SIX6: variants seen among roughly 807,000 people sequenced by gnomAD.
SIX6 encodes homeobox protein SIX6.
SIX6 carries 14 observed loss-of-function variants against 23.6 expected under a neutral mutation model. The ratio of observed to expected loss-of-function variants is 0.59; its 90% CI spans 0.39 to 0.93. SIX6 has a LOEUF of 0.93. Among genes scored for constraint, SIX6 ranks in the 40% least tolerant of loss-of-function variants. SIX6 has a pLI of 0.00. For synonymous variants in SIX6, 128 were observed against 144.9 expected (o/e 0.88, Z 0.84); for missense variants, 307 against 325.6 (o/e 0.94, Z 0.44).
rs1310548000 is a variant in SIX6 at position 60,509,777 on chromosome 14, GA to G, written c.380del (p.Asp127AlafsTer41). Reference protein sequence around the residue: ...KKFPLPRTIWDGEQKTHCFKE... With the variant: ...KKFPLPRTIWXGEQKTHCFKE... ...GTTCCCGCTGCCGCGCACCATTTGGGACGGCGAACAGAAGACACACTGCTTC... is the reference window on the plus strand; with the variant it reads ...GTTCCCGCTGCCGCGCACCATTTGGGCGGCGAACAGAAGACACACTGCTTC... On this transcript the variant is annotated frameshift_variant, in exon 1 of 2. Transcript: ENST00000327720. LOFTEE classifies it high-confidence loss of function. 1 of 1,613,190 alleles carries G rather than the reference GA, an allele frequency of 6.2e-7. No homozygotes were observed. The highest frequency in any genetic ancestry group is 8.5e-7 in the Non-Finnish European group (1 of 1,179,250).
At position 60,511,489 on chromosome 14, in the gene SIX6, T is replaced by C. The variant is rs565685964; in HGVS notation, c.*237T>C. 1.7e-5 allele frequency: 10 copies of C among 602,174 alleles called. No homozygotes were observed. The highest frequency in any genetic ancestry group is 2.9e-5 in the Non-Finnish European group (10 of 339,382). The allele number at this position is 602,174 out of a possible 1,614,324, so 37.3% of individuals were successfully genotyped here. On this transcript the variant is annotated 3_prime_UTR_variant, in exon 2 of 2. Coordinates refer to ENST00000327720, the MANE Select transcript of SIX6 (RefSeq NM_007374.3). ...TGAGGCCTGACCCAGCACCACGTTC[T>C]TCTTGCTTTGCTTTTTCCTAAGGAT... is the stretch of plus-strand genomic sequence containing the variant.
rs772917646 is a variant in SIX6 at position 60,509,371 on chromosome 14, T to C, written c.-28T>C. The stretch of plus-strand genomic sequence containing the variant: ...GCTGCGTGTCCCGCTCCGGGCTCAG[T>C]GCCCTCGCCGCCGCCGGCACTGCCT... On this transcript the variant is annotated 5_prime_UTR_variant, in exon 1 of 2. Transcript: ENST00000327720. 1 of 1,593,856 alleles carries C rather than the reference T, an allele frequency of 6.3e-7. No homozygotes were observed. Among genetic ancestry groups the C allele is most frequent in the African/African-American group, 1.3e-5 (1 of 74,960 alleles).
chr14:60,509,206 C>A lies in SIX6; in HGVS notation c.-193C>A. 1 of 604,314 alleles carries A rather than the reference C, an allele frequency of 1.7e-6. No homozygotes were observed. Among genetic ancestry groups the A allele is most frequent in the Admixed American group, 2.8e-5 (1 of 35,156 alleles). The allele number at this position is 604,314 out of a possible 1,614,324, so 37.4% of individuals were successfully genotyped here. A position where few individuals can be genotyped will look rare whatever the true frequency, so the allele number is the denominator to read the frequency against. Reference sequence around the variant, plus strand: ...GCCGAGCCGAGCCCGAACCCCAAGCCGCGGAGCCAGCACCTCCTCCAGTCG... The same window carrying A: ...GCCGAGCCGAGCCCGAACCCCAAGCAGCGGAGCCAGCACCTCCTCCAGTCG... On this transcript the variant is annotated 5_prime_UTR_variant, in exon 1 of 2. Coordinates refer to ENST00000327720, the MANE Select transcript of SIX6 (RefSeq NM_007374.3).
rs1328788627 is a variant in SIX6, at chr14:60,511,948, T to C, written c.*696T>C. 3 of 155,224 alleles carry C rather than the reference T, an allele frequency of 1.9e-5. No homozygotes were observed. The highest frequency in any genetic ancestry group is 3.8e-4 in the East Asian group (2 of 5,244). The allele number at this position is 155,224 out of a possible 1,614,324, so 9.6% of individuals were successfully genotyped here. ...GCCTTCTTTGGTGCTTCCTGGTATA[T>C]GTTTTAAACAACCTATGGTAGGTCT... On this transcript the variant is annotated 3_prime_UTR_variant, in exon 2 of 2. Transcript: ENST00000327720.
chr14:60,510,122 C>T (rs1251782098), intron 1 of SIX6, 152 bp downstream of exon 1: 2 of 714,998 alleles, frequency 2.8e-6, no homozygotes, highest in Non-Finnish European at 2.4e-6. Flanking sequence ...GTTCTGGGCT[C>T]CTGGCCGGGA....
rs1893294917 is a variant in SIX6, at chr14:60,511,548, C to A, written c.*296C>A. ...AAAGTCTCCTTCGGAACCCGAACTG[C>A]AAGCTGAGCGCCTGCCCAGATTCTC... On this transcript the variant is annotated 3_prime_UTR_variant, in exon 2 of 2. Coordinates refer to ENST00000327720, the MANE Select transcript of SIX6 (RefSeq NM_007374.3). 3.7e-6 allele frequency: 2 copies of A among 546,530 alleles called. No homozygotes were observed. The highest frequency in any genetic ancestry group is 6.6e-6 in the Non-Finnish European group (2 of 303,722). The allele number at this position is 546,530 out of a possible 1,614,324, so 33.9% of individuals were successfully genotyped here. A position where few individuals can be genotyped will look rare whatever the true frequency, so the allele number is the denominator to read the frequency against.
In SIX6 at chr14:60,511,467, G is replaced by C; in HGVS notation, c.*215G>C. The stretch of plus-strand genomic sequence containing the variant: ...CCGCGACCACGGGAACCAGCGGTGA[G>C]GCCTGACCCAGCACCACGTTCTTCT... On this transcript the variant is annotated 3_prime_UTR_variant, in exon 2 of 2. Transcript: ENST00000327720. 1.6e-6 allele frequency: 1 copy of C among 627,296 alleles called. No individual in the cohort carries two copies. Among genetic ancestry groups the C allele is most frequent in the Non-Finnish European group, 2.8e-6 (1 of 353,574 alleles). 38.9% of individuals were successfully genotyped at this position (627,296 alleles called of 1,614,324 possible). A position where few individuals can be genotyped will look rare whatever the true frequency, so the allele number is the denominator to read the frequency against.
rs1301090219 is a variant in SIX6, at chr14:60,511,185, G to GTC, written c.676_677dup (p.Ser227TyrfsTer35). ...GGCGTCGCCACCAGCCCGGCCGCCA[G>GTC]TCTATCCAGCAAGGCGGCCACTTCA... On this transcript the variant is annotated frameshift_variant, in exon 2 of 2. Transcript: ENST00000327720. LOFTEE classifies it high-confidence loss of function. 6.2e-7 allele frequency: 1 copy of GTC among 1,613,064 alleles called. No homozygotes were observed. Among genetic ancestry groups the GTC allele is most frequent in the African/African-American group, 1.3e-5 (1 of 75,064 alleles).
Position 60,511,495 on chromosome 14 carries a change from C to T in SIX6, c.*243C>T. ...CTGACCCAGCACCACGTTCTTCTTG[C>T]TTTGCTTTTTCCTAAGGATTTTGCT... On this transcript the variant is annotated 3_prime_UTR_variant, in exon 2 of 2. Transcript: ENST00000327720. 1.7e-6 allele frequency: 1 copy of T among 598,496 alleles called. No homozygotes were observed. The highest frequency in any genetic ancestry group is 3.0e-5 in the Admixed American group (1 of 33,854). The allele number at this position is 598,496 out of a possible 1,614,324, so 37.1% of individuals were successfully genotyped here.
rs150617736 is a variant in SIX6, at chr14:60,510,056, C to A, written c.572+86C>A. The A allele has an allele frequency of 3.0e-4, 366 of 1,202,744 alleles. 1 individual carries two copies. Among genetic ancestry groups the A allele is most frequent in the Non-Finnish European group, 3.9e-4 (325 of 830,664 alleles). The allele number at this position is 1,202,744 out of a possible 1,614,324, so 74.5% of individuals were successfully genotyped here. On this transcript the variant is annotated intron_variant, in intron 1 of 1. Coordinates refer to ENST00000327720, the MANE Select transcript of SIX6 (RefSeq NM_007374.3). The stretch of plus-strand genomic sequence containing the variant: ...TCTGGCGCCCTTACCCAGTCCCTGG[C>A]GACTCCAATTCAGCAGGAGTTGGGA...
Position 60,511,656 on chromosome 14 carries a change from T to C in SIX6, c.*404T>C. ...GTTTTTTTTTAACAAAACATATATA[T>C]GCTGTTTATTTACTTATTTAAGAGA... On this transcript the variant is annotated 3_prime_UTR_variant, in exon 2 of 2. Transcript: ENST00000327720. 1 of 331,702 alleles carries C rather than the reference T, an allele frequency of 3.0e-6. No individual in the cohort carries two copies. The highest frequency in any genetic ancestry group is 5.8e-6 in the Non-Finnish European group (1 of 172,396). 20.5% of individuals were successfully genotyped at this position (331,702 alleles called of 1,614,324 possible). A position where few individuals can be genotyped will look rare whatever the true frequency, so the allele number is the denominator to read the frequency against.
At position 60,511,163 on chromosome 14, in the gene SIX6, G is replaced by T. The variant is rs759745079; in HGVS notation, c.652G>T (p.Val218Phe). ...CGACGGCACGCCAGAGGTGCTGGGC[G>T]TCGCCACCAGCCCGGCCGCCAGTCT... ...EGDGTPEVLG[V>F]ATSPAASLSS... is the part of the protein sequence containing the mutation. The change falls in exon 2 of 2, where the codon GTC becomes TTC. Residue 218 changes from valine to phenylalanine, a missense_variant. Physicochemically the swap from Val to Phe is conservative, Grantham distance 50. Coordinates refer to ENST00000327720, the MANE Select transcript of SIX6 (RefSeq NM_007374.3). 8.7e-6 allele frequency: 14 copies of T among 1,612,898 alleles called. No homozygotes were observed. Among genetic ancestry groups the T allele is most frequent in the Non-Finnish European group, 1.2e-5 (14 of 1,179,924 alleles).
At chr14:60,510,218 G>A (rs1043559181) in intron 1 of SIX6, among the ~76,000 whole-genome samples, 1 of 152,122 alleles carries the variant, frequency 6.6e-6, no homozygotes, top group Non-Finnish European at 1.5e-5. Flanking sequence ...ACCAAACCAA[G>A]GCTTCACTGG....
rs1454503110 is a variant in SIX6, at chr14:60,509,439, T to C, written c.41T>C (p.Val14Ala). Residue 14 changes from valine (V) to alanine (A), a missense_variant, in exon 1 of 2, where the codon GTG becomes GCG. By Grantham distance (64) the Val-to-Ala change is moderately conservative (BLOSUM62 0). Transcript: ENST00000327720. The part of the protein sequence containing the change: ...LPILNFSPQQ[V>A]AGVCETLEES... ...ATCTTGAATTTCAGCCCCCAGCAAG[T>C]GGCCGGGGTATGTGAGACCCTGGAA... 6.3e-7 allele frequency: 1 copy of C among 1,599,636 alleles called. No individual in the cohort carries two copies. The highest frequency in any genetic ancestry group is 1.3e-5 in the African/African-American group (1 of 74,928).
Position 60,509,384 on chromosome 14 carries a change from G to C in SIX6, c.-15G>C. On this transcript the variant is annotated 5_prime_UTR_variant, in exon 1 of 2. Transcript: ENST00000327720. ...CTCCGGGCTCAGTGCCCTCGCCGCC[G>C]CCGGCACTGCCTCGATGTTCCAGCT... is the stretch of plus-strand genomic sequence containing the variant. The C allele has an allele frequency of 6.3e-7, 1 of 1,598,618 alleles. No individual in the cohort carries two copies. Among genetic ancestry groups the C allele is most frequent in the Non-Finnish European group, 8.5e-7 (1 of 1,179,440 alleles).
chr14:60,511,388 T>C lies in SIX6; in HGVS notation c.*136T>C. ...GTGACCAGGGACCCGCGGGCTCGGG[T>C]TGCCGTTTCCCGCCCCACCCCGCGG... On this transcript the variant is annotated 3_prime_UTR_variant, in exon 2 of 2. Transcript: ENST00000327720. 1 of 1,111,606 alleles carries C rather than the reference T, an allele frequency of 9.0e-7. No individual in the cohort carries two copies. The highest frequency in any genetic ancestry group is 1.3e-6 in the Non-Finnish European group (1 of 752,978). 68.9% of individuals were successfully genotyped at this position (1,111,606 alleles called of 1,614,324 possible). A position where few individuals can be genotyped will look rare whatever the true frequency, so the allele number is the denominator to read the frequency against.
rs1893301121 is a variant in SIX6 at position 60,511,945 on chromosome 14, A to G, written c.*693A>G. The G allele has an allele frequency of 6.4e-6, 1 of 155,200 alleles. No homozygotes were observed. The highest frequency in any genetic ancestry group is 2.4e-5 in the African/African-American group (1 of 41,452). 9.6% of individuals were successfully genotyped at this position (155,200 alleles called of 1,614,324 possible). ...TTTGCCTTCTTTGGTGCTTCCTGGT[A>G]TATGTTTTAAACAACCTATGGTAGG... On this transcript the variant is annotated 3_prime_UTR_variant, in exon 2 of 2. Transcript: ENST00000327720.
intron 1 of SIX6, 146 bp from the exon 2 acceptor site, chr14:60,510,938 G>T: frequency 1.2e-6 from 1 of 816,020 alleles, no homozygotes; most frequent in Non-Finnish European, 1.9e-6. Flanking sequence ...GACCTCTGTC[G>T]CCTTGCCGAG....
In SIX6 at chr14:60,509,469, G is replaced by T; in HGVS notation, c.71G>T (p.Ser24Ile). The T allele has an allele frequency of 6.2e-7, 1 of 1,600,704 alleles. No individual in the cohort carries two copies. Among genetic ancestry groups the T allele is most frequent in the Non-Finnish European group, 8.5e-7 (1 of 1,179,964 alleles). Residue 24 changes from serine (S) to isoleucine (I), a missense_variant, in exon 1 of 2, where the codon AGC becomes ATC. By Grantham distance (142) the Ser-to-Ile change is moderately radical. Coordinates refer to ENST00000327720, the MANE Select transcript of SIX6 (RefSeq NM_007374.3). Reference protein sequence around the residue: ...VAGVCETLEESGDVERLGRFL... With the variant: ...VAGVCETLEEIGDVERLGRFL... ...GGGGTATGTGAGACCCTGGAAGAGA[G>T]CGGCGATGTGGAGCGCCTGGGTCGC...
Sources: allele counts gnomAD v4.1 joint callset (sites outside exome capture counted in the v4.1 genomes callset), GRCh38; gene constraint gnomAD v4.1.1; transcripts MANE v1.5; gene names NCBI Gene and HGNC (gene_info 2026-07-23, HGNC 2026-07-21).